PTPRD: variants seen among roughly 807,000 people sequenced by gnomAD.
The protein encoded by PTPRD is receptor-type tyrosine-protein phosphatase delta.
PTPRD carries 34 observed loss-of-function variants against 214.5 expected under a neutral mutation model. That is an observed-to-expected ratio of 0.16 (90% confidence interval 0.12 to 0.21). The LOEUF (loss-of-function observed/expected upper bound fraction) is 0.21. Ranked by LOEUF, PTPRD falls within the 10% of genes least tolerant of loss-of-function variation. The pLI is 1.00. For synonymous variants in PTPRD, 1,128 were observed against 845.7 expected (o/e 1.33, Z -5.79); for missense variants, 2,545 against 2,398.7 (o/e 1.06, Z -1.27).
At chr9:10,139,470 A>T (rs1232093662) in intron 3 of PTPRD, among the ~76,000 whole-genome samples, 1 of 152,242 alleles carries the variant, frequency 6.6e-6, no homozygotes, top group East Asian at 1.9e-4. Context: ...TAAAGATTCA[A>T]TGGTATTCCT....
chr9:8,849,329 C>A lies in PTPRD; in HGVS notation c.-103-115383G>T, dbSNP rs951181902. Among the ~76,000 whole-genome samples, 29 of 152,020 alleles carry A rather than the reference C, an allele frequency of 1.9e-4. 2 individuals are homozygous for A. Among genetic ancestry groups the A allele is most frequent in the Admixed American group, 1.9e-3 (29 of 15,260 alleles). Reference sequence around the variant, plus strand: ...TAGCTGGGACTATAGGCAAGTGCCACCATGTCCAGATAATTTTTGTATTTT... The same window carrying A: ...TAGCTGGGACTATAGGCAAGTGCCAACATGTCCAGATAATTTTTGTATTTT... On this transcript the variant is annotated intron_variant, in intron 11 of 45. Coordinates refer to ENST00000381196, the MANE Select transcript of PTPRD (RefSeq NM_002839.4).
intron 2 of PTPRD, among the ~76,000 whole-genome samples, chr9:10,575,116 A>AT (rs1446439325): frequency 1.3e-5 from 2 of 151,940 alleles, no homozygotes; most frequent in Non-Finnish European, 2.9e-5. Flanking sequence ...ATCACTGGCT[A>AT]TTTTCACTTG....
intron 14 of PTPRD, among the ~76,000 whole-genome samples, chr9:8,551,257 T>C (rs576622904): frequency 6.6e-6 from 1 of 152,326 alleles, no homozygotes; most frequent in African/African-American, 2.4e-5. Flanking sequence ...ATTAAATTTT[T>C]TTTCAATTTC....
chr9:8,764,665 C>T (rs899622223), intron 11 of PTPRD, among the ~76,000 whole-genome samples: 4 of 151,812 alleles, frequency 2.6e-5, no homozygotes, highest in South Asian at 2.1e-4. Context: ...TATAGTGGTG[C>T]GTGCCTGTAA....
intron 33 of PTPRD, among the ~76,000 whole-genome samples, chr9:8,453,150 A>C (rs1272838506): frequency 6.6e-6 from 1 of 152,160 alleles, no homozygotes; most frequent in African/African-American, 2.4e-5. Context: ...GAAAGCATTA[A>C]GTTGTAAAAT....
intron 8 of PTPRD, among the ~76,000 whole-genome samples, chr9:9,520,093 G>C (rs1488390707): frequency 6.6e-6 from 1 of 151,786 alleles, no homozygotes; most frequent in Non-Finnish European, 1.5e-5. Context: ...TTTAGTTTTT[G>C]TACCTACTCG....
chr9:9,965,109 G>A (rs756372853), intron 4 of PTPRD, among the ~76,000 whole-genome samples: 3 of 152,084 alleles, frequency 2.0e-5, no homozygotes, highest in Admixed American at 6.6e-5. Context: ...ACGACACACA[G>A]AGTCCAAATT....
intron 2 of PTPRD, among the ~76,000 whole-genome samples, chr9:10,412,480 T>G (rs2098446128): frequency 6.6e-6 from 1 of 151,772 alleles, no homozygotes; most frequent in African/African-American, 2.4e-5. Context: ...AGCCAAATTC[T>G]ACCAGACCTA....
chr9:9,998,682 G>A (rs2096233498), intron 4 of PTPRD, among the ~76,000 whole-genome samples: 1 of 152,130 alleles, frequency 6.6e-6, no homozygotes, highest in Admixed American at 6.5e-5. Context: ...AGGAAAGCAA[G>A]AAGTACACAA....
At chr9:8,483,581 T>C (rs1417941454) in intron 30 of PTPRD, among the ~76,000 whole-genome samples, 1 of 152,054 alleles carries the variant, frequency 6.6e-6, no homozygotes, top group Non-Finnish European at 1.5e-5. Context: ...TGAAACCCGG[T>C]CTCTACTAAA....
At chr9:8,916,132 G>C (rs1186184137) in intron 11 of PTPRD, among the ~76,000 whole-genome samples, 6 of 152,078 alleles carry the variant, frequency 3.9e-5, no homozygotes, top group Admixed American at 3.9e-4. Flanking sequence ...CATCTAAGTG[G>C]AATTATCAAT....
intron 10 of PTPRD, among the ~76,000 whole-genome samples, chr9:9,057,960 T>C (rs2099699381): frequency 6.6e-6 from 1 of 152,228 alleles, no homozygotes; most frequent in Non-Finnish European, 1.5e-5. Context: ...AAACAGCTTT[T>C]ACTATTCACA....
intron 10 of PTPRD, among the ~76,000 whole-genome samples, chr9:9,128,319 G>C (rs368632438): frequency 6.6e-6 from 1 of 152,028 alleles, no homozygotes; most frequent in African/African-American, 2.4e-5. Context: ...TCATACATTT[G>C]CGCACAGAAA....
At chr9:10,402,124 T>C (rs1383951973) in intron 2 of PTPRD, among the ~76,000 whole-genome samples, 1 of 151,620 alleles carries the variant, frequency 6.6e-6, no homozygotes, top group Admixed American at 6.6e-5. Flanking sequence ...ATGGTGTTCC[T>C]ATGTAATTAA....
intron 9 of PTPRD, among the ~76,000 whole-genome samples, chr9:9,210,413 G>A (rs1483448474): frequency 6.6e-6 from 1 of 152,016 alleles, no homozygotes; most frequent in African/African-American, 2.4e-5. Flanking sequence ...GATACTTTGG[G>A]ATTTGAAAAT....
At chr9:8,430,461 C>A (rs1215359959) in intron 35 of PTPRD, among the ~76,000 whole-genome samples, 1 of 140,536 alleles carries the variant, frequency 7.1e-6, no homozygotes, top group Non-Finnish European at 1.5e-5. Context: ...TGTAGTTTTG[C>A]AGAGACAGTT....
chr9:9,819,182 T>G (rs2049840913), intron 5 of PTPRD, among the ~76,000 whole-genome samples: 1 of 152,166 alleles, frequency 6.6e-6, no homozygotes, highest in Non-Finnish European at 1.5e-5. Context: ...AGCCTCTCCC[T>G]GCCCCTCATA....
At chr9:9,966,192 A>C (rs2094685753) in intron 4 of PTPRD, among the ~76,000 whole-genome samples, 2 of 152,124 alleles carry the variant, frequency 1.3e-5, no homozygotes, top group South Asian at 4.1e-4. Flanking sequence ...ACAGAAACTA[A>C]AGACCTAAGG....
chr9:10,059,275 A>G (rs1269283066), intron 3 of PTPRD, among the ~76,000 whole-genome samples: 4 of 152,106 alleles, frequency 2.6e-5, no homozygotes, highest in African/African-American at 9.7e-5. Flanking sequence ...AATATTTACA[A>G]CTTCCATGTT....
Sources: allele counts gnomAD v4.1 joint callset (sites outside exome capture counted in the v4.1 genomes callset), GRCh38; gene constraint gnomAD v4.1.1; transcripts MANE v1.5; gene names NCBI Gene and HGNC (gene_info 2026-07-23, HGNC 2026-07-21).